AVL9: variants seen among roughly 807,000 people sequenced by gnomAD.
AVL9 encodes the protein late secretory pathway protein AVL9 homolog.
A neutral mutation model predicts 79.2 loss-of-function variants in AVL9; 49 were observed. The observed-to-expected ratio is 0.62, with a 90% CI of 0.49 to 0.79. AVL9 has a LOEUF of 0.79. AVL9 is among the 30% of genes least tolerant of loss of function. The pLI, the probability that AVL9 is intolerant of heterozygous loss-of-function variation, is 0.00. For synonymous variants in AVL9, 299 were observed against 280.6 expected (o/e 1.07, Z -0.65); for missense variants, 682 against 776.8 (o/e 0.88, Z 1.45).
chr7:32,551,605 C>CTTTTTT lies in AVL9; in HGVS notation c.462+196_462+201dup, dbSNP rs60271681. 2.0e-4 allele frequency among the ~76,000 whole-genome samples: 19 copies of CTTTTTT among 93,752 alleles called. 2 individuals carry two copies. The highest frequency in any genetic ancestry group is 3.9e-4 in the African/African-American group (9 of 22,872). 61.5% of individuals were successfully genotyped at this position (93,752 alleles called of 152,430 possible). A position where few individuals can be genotyped will look rare whatever the true frequency, so the allele number is the denominator to read the frequency against. ...TGCCCAAATACTAAATTTAACCAAACTTTTTTTTTTTTTTTTTTTAGGAAA... is the reference window on the plus strand; with the variant it reads ...TGCCCAAATACTAAATTTAACCAAACTTTTTTTTTTTTTTTTTTTTTTTTTAGGAAA... On this transcript the variant is annotated intron_variant, in intron 5 of 15. Transcript: ENST00000318709.
intron 3 of AVL9, 39 bp from the exon 4 acceptor site, chr7:32,548,808 A>G (rs747725846): frequency 2.3e-6 from 3 of 1,329,862 alleles, no homozygotes; most frequent in Admixed American, 2.4e-5. Context: ...AAATATTGCT[A>G]TGAAATATTT....
intron 1 of AVL9, among the ~76,000 whole-genome samples, chr7:32,512,270 G>T (rs909451803): frequency 9.2e-5 from 14 of 152,230 alleles, no homozygotes; most frequent in African/African-American, 2.9e-4. Flanking sequence ...GGGCCTAGGA[G>T]AGCAGTTCTG....
chr7:32,530,846 C>T (rs750901608), intron 1 of AVL9, among the ~76,000 whole-genome samples: 6 of 152,056 alleles, frequency 3.9e-5, no homozygotes, highest in African/African-American at 9.7e-5. Flanking sequence ...GTCCTGGCTA[C>T]TCAGGAGGCT....
At chr7:32,524,079 C>G (rs1169340778) in intron 1 of AVL9, among the ~76,000 whole-genome samples, 1 of 150,740 alleles carries the variant, frequency 6.6e-6, no homozygotes, top group African/African-American at 2.4e-5. Flanking sequence ...AAACTCCTAA[C>G]TTCAAGTGAT....
chr7:32,528,996 C>T (rs1425160498), intron 1 of AVL9, among the ~76,000 whole-genome samples: 1 of 152,062 alleles, frequency 6.6e-6, no homozygotes. Context: ...GGTGACAGAG[C>T]GAGACTGCAT....
At chr7:32,523,508 C>CT (rs70992725) in intron 1 of AVL9, among the ~76,000 whole-genome samples, 1,736 of 79,264 alleles carry the variant, frequency 0.022, 83 homozygotes, top group East Asian at 0.05. Context: ...TATAAATTTC[C>CT]TTTTTTTTTT....
chr7:32,578,064 C>T (rs6944887), intron 13 of AVL9, among the ~76,000 whole-genome samples: 126,618 of 152,104 alleles, frequency 0.83, 52,756 homozygotes, highest in Middle Eastern at 0.88. Flanking sequence ...ATACCATCTT[C>T]AGGTTACAGA....
intron 1 of AVL9, among the ~76,000 whole-genome samples, chr7:32,499,172 A>G (rs539859499): frequency 1.3e-4 from 20 of 152,002 alleles, no homozygotes; most frequent in Admixed American, 1.3e-3. Flanking sequence ...AAACGAAACA[A>G]AACAAAAATT....
At chr7:32,577,159 CCTGTAT>C (rs200904016) in intron 13 of AVL9, among the ~76,000 whole-genome samples, 2,054 of 152,202 alleles carry the variant, frequency 0.013, 23 homozygotes, top group Middle Eastern at 0.034. Flanking sequence ...ATGTGAAAAC[CCTGTAT>C]CTACTAAAAA....
intron 3 of AVL9, among the ~76,000 whole-genome samples, chr7:32,545,387 T>G (rs1789442531): frequency 9.7e-6 from 1 of 102,678 alleles, no homozygotes; most frequent in African/African-American, 3.6e-5. Context: ...TTTTTTTTTT[T>G]TTGAGGAGGA....
At chr7:32,558,905 G>A (rs1401236132) in intron 9 of AVL9, 24 bp from the exon 10 acceptor site, 2 of 1,540,152 alleles carry the variant, frequency 1.3e-6, no homozygotes, top group Non-Finnish European at 8.7e-7. Flanking sequence ...AAGCCAAGCT[G>A]TTCTTTGATA....
Position 32,530,622 on chromosome 7 carries a change from A to C in AVL9, c.94-12519A>C, listed in dbSNP as rs117350586. Among the ~76,000 whole-genome samples, 4 of 152,308 alleles carry C rather than the reference A, an allele frequency of 2.6e-5. No individual in the cohort carries two copies. The East Asian group carries it at 7.7e-4, about 29-fold the overall frequency. ...TAAACAAACATAATTCTATCAACCTAAAATAATCAAAAGTCAGAATGTAGT... is the reference window on the plus strand; with the variant it reads ...TAAACAAACATAATTCTATCAACCTCAAATAATCAAAAGTCAGAATGTAGT... On this transcript the variant is annotated intron_variant, in intron 1 of 15. Coordinates refer to ENST00000318709, the MANE Select transcript of AVL9 (RefSeq NM_015060.3).
intron 14 of AVL9, 142 bp downstream of exon 14, chr7:32,580,414 G>C (rs1481788626): frequency 1.5e-6 from 1 of 671,218 alleles, no homozygotes; most frequent in South Asian, 1.9e-5. Context: ...ACATTCTTTA[G>C]CTCAGCAGTG....
intron 13 of AVL9, 23 bp downstream of exon 13, chr7:32,576,095 G>A (rs372773771): frequency 6.6e-7 from 1 of 1,513,548 alleles, no homozygotes; most frequent in Non-Finnish European, 9.2e-7. Flanking sequence ...TCTGAAGATT[G>A]ATAGTACATA....
At chr7:32,543,627 G>A (rs1789320132) in intron 2 of AVL9, among the ~76,000 whole-genome samples, 1 of 152,192 alleles carries the variant, frequency 6.6e-6, no homozygotes. Context: ...GCAGTACTAG[G>A]TTATCACTCC....
At chr7:32,517,276 G>C (rs2122631) in intron 1 of AVL9, among the ~76,000 whole-genome samples, 36,334 of 151,430 alleles carry the variant, frequency 0.24, 5,001 homozygotes, top group Admixed American at 0.34. Flanking sequence ...TCAAGTTCAC[G>C]TGACAGTAAA....
At chr7:32,551,605 C>CATTTTTTTT (rs550333103) in intron 5 of AVL9, among the ~76,000 whole-genome samples, 182 bp downstream of exon 5, 1 of 93,782 alleles carries the variant, frequency 1.1e-5, no homozygotes, top group Non-Finnish European at 1.9e-5. Context: ...TTTAACCAAA[C>CATTTTTTTT]TTTTTTTTTT....
In AVL9 at chr7:32,558,716, G is replaced by A. The variant is rs148489727; in HGVS notation, c.679+88G>A. 3.8e-4 allele frequency: 470 copies of A among 1,221,458 alleles called. No individual in the cohort carries two copies. In the African/African-American group the frequency reaches 6.2e-3, roughly 16 times the overall value. The allele number at this position is 1,221,458 out of a possible 1,614,324, so 75.7% of individuals were successfully genotyped here. ...GAAATAAAGTTTCAAAGATAAATTC[G>A]TTAGGGTTATCCTTTCTATTTTAAT... is the stretch of plus-strand genomic sequence containing the variant. On this transcript the variant is annotated intron_variant, in intron 9 of 15. Coordinates refer to ENST00000318709, the MANE Select transcript of AVL9 (RefSeq NM_015060.3).
chr7:32,530,681 C>G (rs990913274), intron 1 of AVL9, among the ~76,000 whole-genome samples: 8 of 152,180 alleles, frequency 5.3e-5, no homozygotes, highest in Non-Finnish European at 1.0e-4. Context: ...GGCACGGTGG[C>G]TCACACCTAT....
Sources: allele counts gnomAD v4.1 joint callset (sites outside exome capture counted in the v4.1 genomes callset), GRCh38; gene constraint gnomAD v4.1.1; transcripts MANE v1.5; gene names NCBI Gene and HGNC (gene_info 2026-07-23, HGNC 2026-07-21).